ANGPT1: variants seen among roughly 807,000 people sequenced by gnomAD.
The protein encoded by ANGPT1 is angiopoietin 1.
ANGPT1 carries 17 observed loss-of-function variants against 62.2 expected under a neutral mutation model. The ratio of observed to expected loss-of-function variants is 0.27; its 90% CI spans 0.19 to 0.41. The LOEUF (loss-of-function observed/expected upper bound fraction) is 0.41, where lower values mean the gene tolerates loss of function less well. Among genes scored for constraint, ANGPT1 ranks in the 10% least tolerant of loss-of-function variants. The probability of loss-of-function intolerance (pLI) is 1.00; values close to 1 mark genes in which losing one functional copy is unlikely to be tolerated. For missense variants in ANGPT1, 478 were observed against 594.9 expected (o/e 0.80, Z 2.04); for synonymous variants, 199 against 198.9 (o/e 1.00, Z 0.00).
intron 7 of ANGPT1, among the ~76,000 whole-genome samples, chr8:107,280,190 C>T (rs969850938): frequency 6.6e-6 from 1 of 151,780 alleles, no homozygotes; most frequent in Non-Finnish European, 1.5e-5. Context: ...GGTGATGTTA[C>T]TTTCTTTCTT....
intron 1 of ANGPT1, among the ~76,000 whole-genome samples, chr8:107,384,165 G>A (rs931775048): frequency 3.9e-5 from 6 of 152,144 alleles, no homozygotes; most frequent in East Asian, 3.9e-4. Context: ...TGAATGATTC[G>A]TTTGACTCAG....
At chr8:107,474,663 A>G (rs967642742) in intron 1 of ANGPT1, among the ~76,000 whole-genome samples, 1 of 152,338 alleles carries the variant, frequency 6.6e-6, no homozygotes, top group Non-Finnish European at 1.5e-5. Flanking sequence ...TGCAGATGAC[A>G]TGATTGGATA....
chr8:107,383,592 C>T (rs1326087570), intron 1 of ANGPT1, among the ~76,000 whole-genome samples: 1 of 152,094 alleles, frequency 6.6e-6, no homozygotes, highest in African/African-American at 2.4e-5. Context: ...GAGGCAGGCA[C>T]TTACCGACAC....
At chr8:107,299,898 T>C (rs1814533133) in intron 5 of ANGPT1, among the ~76,000 whole-genome samples, 1 of 124,942 alleles carries the variant, frequency 8.0e-6, no homozygotes, top group Non-Finnish European at 1.7e-5. Flanking sequence ...TCTAGATATG[T>C]AGTTATATCT....
At chr8:107,312,549 CCTGA>C (rs1814900131) in intron 4 of ANGPT1, among the ~76,000 whole-genome samples, 1 of 152,170 alleles carries the variant, frequency 6.6e-6, no homozygotes, top group African/African-American at 2.4e-5. Flanking sequence ...GTAAATAAGT[CCTGA>C]CTGTCACCAC....
chr8:107,463,088 T>C (rs1407155767), intron 1 of ANGPT1, among the ~76,000 whole-genome samples: 4 of 152,182 alleles, frequency 2.6e-5, no homozygotes, highest in Middle Eastern at 3.2e-3. Flanking sequence ...ATGTCACTTA[T>C]ATGACATGGT....
intron 1 of ANGPT1, among the ~76,000 whole-genome samples, chr8:107,474,813 A>G (rs1039827136): frequency 9.2e-5 from 14 of 152,312 alleles, no homozygotes; most frequent in Admixed American, 5.2e-4. Flanking sequence ...GAGCCAAATC[A>G]TGAGTGAACT....
chr8:107,271,369 A>C (rs933753176), intron 7 of ANGPT1, among the ~76,000 whole-genome samples: 6 of 152,140 alleles, frequency 3.9e-5, no homozygotes, highest in Non-Finnish European at 8.8e-5. Context: ...AAAAAATTAA[A>C]GTAATCAAAC....
chr8:107,434,570 G>C (rs993539763), intron 1 of ANGPT1, among the ~76,000 whole-genome samples: 4 of 151,816 alleles, frequency 2.6e-5, no homozygotes, highest in African/African-American at 9.7e-5. Flanking sequence ...CCCTAAGAAA[G>C]GCAGTCTCAG....
chr8:107,490,529 T>G (rs1812929403), intron 1 of ANGPT1, among the ~76,000 whole-genome samples: 1 of 152,224 alleles, frequency 6.6e-6, no homozygotes, highest in African/African-American at 2.4e-5. Context: ...TTAGTCAGGC[T>G]CTCTGCCAAC....
chr8:107,493,647 C>A (rs1156660013), intron 1 of ANGPT1, among the ~76,000 whole-genome samples: 1 of 150,214 alleles, frequency 6.7e-6, no homozygotes, highest in Non-Finnish European at 1.5e-5. Context: ...GTGCAGAATG[C>A]AATAGATAAT....
intron 1 of ANGPT1, among the ~76,000 whole-genome samples, chr8:107,386,397 A>G (rs947142824): frequency 6.6e-6 from 1 of 152,110 alleles, no homozygotes; most frequent in African/African-American, 2.4e-5. Flanking sequence ...TATAAAATAA[A>G]ATTGGAAAGA....
At chr8:107,378,070 A>G (rs1472367091) in intron 1 of ANGPT1, among the ~76,000 whole-genome samples, 2 of 152,230 alleles carry the variant, frequency 1.3e-5, no homozygotes, top group Non-Finnish European at 2.9e-5. Flanking sequence ...CAATCTGTAT[A>G]ATATGCACTG....
At chr8:107,436,874 A>C (rs1317080410) in intron 1 of ANGPT1, among the ~76,000 whole-genome samples, 2 of 152,238 alleles carry the variant, frequency 1.3e-5, no homozygotes, top group Non-Finnish European at 2.9e-5. Flanking sequence ...TTTGAAAATC[A>C]ACAACTTATT....
intron 1 of ANGPT1, among the ~76,000 whole-genome samples, chr8:107,358,689 C>G (rs929019922): frequency 6.6e-6 from 1 of 152,194 alleles, no homozygotes; most frequent in Non-Finnish European, 1.5e-5. Context: ...TCCCGGTGTT[C>G]CTCCTGATTT....
rs569829746 is a variant in ANGPT1, at chr8:107,255,226, C to T, written c.1337-3211G>A. Among the ~76,000 whole-genome samples the T allele has an allele frequency of 2.0e-5, 3 of 152,262 alleles. No individual in the cohort carries two copies. In the East Asian group the frequency reaches 5.8e-4, roughly 29 times the overall value. On this transcript the variant is annotated intron_variant, in intron 8 of 8. Transcript: ENST00000517746. ...TGTCTGAGGGACCACAAAGCTCACTCATTCAACAGCTGCTCTGGGTCCTGA... is the reference window on the plus strand; with the variant it reads ...TGTCTGAGGGACCACAAAGCTCACTTATTCAACAGCTGCTCTGGGTCCTGA...
chr8:107,348,218 G>A (rs186501493), intron 1 of ANGPT1, among the ~76,000 whole-genome samples: 2 of 152,224 alleles, frequency 1.3e-5, no homozygotes, highest in Admixed American at 6.5e-5. Flanking sequence ...TTCACAAGCC[G>A]GGTTCCAAAT....
intron 4 of ANGPT1, among the ~76,000 whole-genome samples, chr8:107,310,949 GTA>G (rs1233151445): frequency 2.9e-4 from 29 of 98,954 alleles, no homozygotes; most frequent in South Asian, 1.2e-3. Flanking sequence ...GTGTGTGTGT[GTA>G]TGTATGTGTG....
intron 4 of ANGPT1, among the ~76,000 whole-genome samples, chr8:107,305,051 A>G (rs1290976177): frequency 1.3e-5 from 2 of 152,052 alleles, no homozygotes; most frequent in African/African-American, 4.8e-5. Context: ...CCATTTCAAA[A>G]GCATTGACGT....
Sources: allele counts gnomAD v4.1 joint callset (sites outside exome capture counted in the v4.1 genomes callset), GRCh38; gene constraint gnomAD v4.1.1; transcripts MANE v1.5; gene names NCBI Gene and HGNC (gene_info 2026-07-23, HGNC 2026-07-21).